RASSF4: variants seen among roughly 807,000 people sequenced by gnomAD.
The protein encoded by RASSF4 is ras association domain-containing protein 4.
A neutral mutation model predicts 41.1 loss-of-function variants in RASSF4; 38 were observed. The ratio of observed to expected loss-of-function variants is 0.92; its 90% CI spans 0.71 to 1.21. The LOEUF (loss-of-function observed/expected upper bound fraction) is 1.21, where lower values mean the gene tolerates loss of function less well. RASSF4 is among the 50% of genes most tolerant of loss of function. RASSF4 has a pLI of 0.00. For synonymous variants in RASSF4, 179 were observed against 163.4 expected, an observed-to-expected ratio of 1.10 and a Z score of -0.73; for missense variants, 414 against 419.4, an observed-to-expected ratio of 0.99 and a Z score of 0.11.
At chr10:44,964,925 G>A (rs191219934) in intron 1 of RASSF4, among the ~76,000 whole-genome samples, 12 of 152,360 alleles carry the variant, frequency 7.9e-5, no homozygotes, top group African/African-American at 2.6e-4. Flanking sequence ...CAAGCACAGT[G>A]TTGAGATCTG....
intron 1 of RASSF4, among the ~76,000 whole-genome samples, chr10:44,967,639 G>A (rs1012422594): frequency 1.3e-5 from 2 of 152,230 alleles, no homozygotes; most frequent in African/African-American, 4.8e-5. Flanking sequence ...CACAGCTTTG[G>A]AAGAGTAGAC....
At chr10:44,976,474 C>T (rs1328794547) in intron 3 of RASSF4, 1 of 152,406 alleles carries the variant, frequency 6.6e-6, no homozygotes, top group African/African-American at 2.4e-5. Flanking sequence ...CAATCTTCCT[C>T]CTCTCCTCTC....
intron 3 of RASSF4, among the ~76,000 whole-genome samples, chr10:44,978,964 C>A (rs542531779): frequency 7.4e-4 from 113 of 152,242 alleles, no homozygotes; most frequent in African/African-American, 2.7e-3. Flanking sequence ...TGTTTTTCTG[C>A]CTGTAGGAGG....
In RASSF4 at chr10:44,971,788, C is replaced by CTTAAACCTACAA. The variant is rs1564454523; in HGVS notation, c.78_79insTTAAACCTACAA (p.Leu27_Leu28insAsnLeuGlnLeu). The CTTAAACCTACAA allele has an allele frequency of 1.9e-6, 3 of 1,613,934 alleles. No homozygotes were observed. Among genetic ancestry groups the CTTAAACCTACAA allele is most frequent in the Non-Finnish European group, 2.5e-6 (3 of 1,179,840 alleles). ...CCCTTTTTAGGTCGGAGCTCTTAGG[C>CTTAAACCTACAA]CTGCTGAAAACCTACAACTGCTACC... is the stretch of plus-strand genomic sequence containing the variant. On this transcript the variant is annotated inframe_insertion, in exon 3 of 11. Transcript: ENST00000340258.
chr10:44,993,161 C>T (rs1192127217), intron 10 of RASSF4, 108 bp from the exon 11 acceptor site: 2 of 882,538 alleles, frequency 2.3e-6, no homozygotes, highest in African/African-American at 1.6e-5. Context: ...AGAGATGAGG[C>T]TGCTGCAGGG....
intron 5 of RASSF4, chr10:44,984,523 G>T (rs1841843629): frequency 9.7e-6 from 5 of 515,744 alleles, no homozygotes; most frequent in Non-Finnish European, 1.4e-5. Flanking sequence ...TTCAGAGCAG[G>T]GGCTCAGAAG....
At chr10:44,973,242 C>T (rs1841256929) in intron 3 of RASSF4, among the ~76,000 whole-genome samples, 1 of 152,232 alleles carries the variant, frequency 6.6e-6, no homozygotes, top group Non-Finnish European at 1.5e-5. Flanking sequence ...CCAGGCCGGG[C>T]ACCCTGTGGG....
At chr10:44,986,933 G>C (rs796922052) in intron 6 of RASSF4, among the ~76,000 whole-genome samples, 2 of 152,142 alleles carry the variant, frequency 1.3e-5, no homozygotes, top group African/African-American at 4.8e-5. Flanking sequence ...ATTCAAATGC[G>C]TTCTGTTAGA....
chr10:44,981,705 A>C (rs1251479057), intron 3 of RASSF4: 1 of 152,232 alleles, frequency 6.6e-6, no homozygotes, highest in Non-Finnish European at 1.5e-5. Context: ...CGGGATTGGC[A>C]CAGAGGCCTG....
chr10:44,991,924 T>C lies in RASSF4; in HGVS notation c.827T>C (p.Phe276Ser). ...VPHEVAQYIK[F>S]EMPVLDSFVE... is the part of the protein sequence containing the mutation. ...TTCTAGGTCGCTCAGTACATTAAGT[T>C]TGAAATGCCGGTGCTGGACAGTTTT... The change falls in exon 10 of 11, where the codon TTT becomes TCT. Residue 276 changes from phenylalanine (F) to serine (S), a missense_variant. Coordinates refer to ENST00000340258, the MANE Select transcript of RASSF4 (RefSeq NM_032023.4). 1 of 1,613,036 alleles carries C rather than the reference T, an allele frequency of 6.2e-7. No homozygotes were observed. Among genetic ancestry groups the C allele is most frequent in the East Asian group, 2.2e-5 (1 of 44,892 alleles).
At chr10:44,981,569 A>G (rs1841709036) in intron 3 of RASSF4, 1 of 152,386 alleles carries the variant, frequency 6.6e-6, no homozygotes, top group East Asian at 1.9e-4. Context: ...TTGTGGGAAG[A>G]CTAGTGTCAG....
Position 44,977,581 on chromosome 10 carries a change from C to T in RASSF4, c.139-4940C>T, listed in dbSNP as rs1266514650. Reference sequence around the variant, plus strand: ...CAGGCATCCTGGCTTCACAGAGCCTCCCTCTGGGGGCCCCCATGGGCTTGC... The same window carrying T: ...CAGGCATCCTGGCTTCACAGAGCCTTCCTCTGGGGGCCCCCATGGGCTTGC... On this transcript the variant is annotated intron_variant, in intron 3 of 10. Coordinates refer to ENST00000340258, the MANE Select transcript of RASSF4 (RefSeq NM_032023.4). The T allele has an allele frequency of 7.4e-6, 12 of 1,613,426 alleles. No individual in the cohort carries two copies. In the East Asian group the frequency reaches 2.7e-4, roughly 36 times the overall value.
At chr10:44,982,973 A>G (rs1468978349) in intron 4 of RASSF4, 2 of 636,730 alleles carry the variant, frequency 3.1e-6, no homozygotes, top group South Asian at 3.0e-5. Flanking sequence ...TGCAAGCCGA[A>G]CATGTCTCGC....
chr10:44,979,125 C>G (rs1391218662), intron 3 of RASSF4, among the ~76,000 whole-genome samples: 1 of 152,168 alleles, frequency 6.6e-6, no homozygotes, highest in East Asian at 1.9e-4. Context: ...CTGTGTTACA[C>G]CACCCCATCA....
chr10:44,970,470 A>T (rs978658454), intron 2 of RASSF4: 3 of 565,950 alleles, frequency 5.3e-6, no homozygotes, highest in Admixed American at 3.3e-5. Flanking sequence ...AGGCATGGGC[A>T]ATAGAAAAGA....
intron 4 of RASSF4, chr10:44,983,094 T>C: frequency 2.4e-6 from 1 of 408,548 alleles, no homozygotes; most frequent in Admixed American, 3.0e-5. Flanking sequence ...ACATTACATT[T>C]GTTTAATATC....
chr10:44,964,294 A>C (rs907623838), intron 1 of RASSF4, among the ~76,000 whole-genome samples: 4 of 152,252 alleles, frequency 2.6e-5, no homozygotes, highest in Admixed American at 2.0e-4. Flanking sequence ...CCCTGGCTGC[A>C]GCTGATCACT....
chr10:44,971,886 C>T (rs761345498), intron 3 of RASSF4, 38 bp downstream of exon 3: 2 of 1,434,780 alleles, frequency 1.4e-6, no homozygotes, highest in Non-Finnish European at 9.7e-7. Flanking sequence ...TCACCATGTA[C>T]CCTGGGAGGC....
intron 3 of RASSF4, among the ~76,000 whole-genome samples, chr10:44,979,194 G>A (rs1296498783): frequency 2.0e-5 from 3 of 152,186 alleles, no homozygotes; most frequent in Non-Finnish European, 4.4e-5. Flanking sequence ...CAGCAGCACA[G>A]GACCCCAGTC....
Sources: allele counts gnomAD v4.1 joint callset (sites outside exome capture counted in the v4.1 genomes callset), GRCh38; gene constraint gnomAD v4.1.1; transcripts MANE v1.5; gene names NCBI Gene and HGNC (gene_info 2026-07-23, HGNC 2026-07-21).